PCDHGA4: variants seen among roughly 807,000 people sequenced by gnomAD.
The protein encoded by PCDHGA4 is protocadherin gamma subfamily A, 4.
A neutral mutation model predicts 54.6 loss-of-function variants in PCDHGA4; 38 were observed. The ratio of observed to expected loss-of-function variants is 0.70; its 90% CI spans 0.54 to 0.91. The LOEUF is 0.91. Ranked by LOEUF, PCDHGA4 falls within the 40% of genes least tolerant of loss-of-function variation. The pLI, the probability that PCDHGA4 is intolerant of heterozygous loss-of-function variation, is 0.00. For synonymous variants in PCDHGA4, 511 were observed against 512.9 expected (o/e 1.00, Z 0.05); for missense variants, 1,298 against 1,220.9 (o/e 1.06, Z -0.94).
chr5:141,388,637 T>G (rs993746447), intron 1 of PCDHGA4: 1 of 1,613,762 alleles, frequency 6.2e-7, no homozygotes, highest in Non-Finnish European at 8.5e-7. Context: ...GGGTGAGCCT[T>G]TCAGAAAACG....
At chr5:141,392,728 G>T in intron 1 of PCDHGA4, 1 of 1,407,730 alleles carries the variant, frequency 7.1e-7, no homozygotes, top group Non-Finnish European at 9.3e-7. Context: ...CCGGAGGATT[G>T]TCATCTCCAT....
intron 1 of PCDHGA4, chr5:141,382,881 C>G (rs780011802): frequency 6.5e-7 from 1 of 1,527,170 alleles, no homozygotes; most frequent in South Asian, 1.3e-5. Context: ...GGCGCCTAAG[C>G]AAGAGAAGCA....
intron 1 of PCDHGA4, chr5:141,384,001 C>G (rs1561599904): frequency 6.2e-7 from 1 of 1,613,828 alleles, no homozygotes. Context: ...AGTCATTGCT[C>G]TTTTCTACCT....
At chr5:141,428,044 C>A in intron 1 of PCDHGA4, 1 of 1,608,790 alleles carries the variant, frequency 6.2e-7, no homozygotes, top group Non-Finnish European at 8.5e-7. Context: ...TACCTGGTGA[C>A]CAAGGTGGTG....
intron 1 of PCDHGA4, among the ~76,000 whole-genome samples, chr5:141,430,247 G>T (rs1003479541): frequency 9.7e-6 from 1 of 102,928 alleles, no homozygotes; most frequent in Non-Finnish European, 1.8e-5. Flanking sequence ...AACTCCTAGG[G>T]AGACATCTCC....
intron 1 of PCDHGA4, among the ~76,000 whole-genome samples, chr5:141,492,409 C>T (rs1367119266): frequency 6.6e-6 from 1 of 152,230 alleles, no homozygotes. Context: ...TCCCCTCTGC[C>T]GCTCCCTCCG....
At chr5:141,452,240 C>G (rs1365703172) in intron 1 of PCDHGA4, among the ~76,000 whole-genome samples, 1 of 152,084 alleles carries the variant, frequency 6.6e-6, no homozygotes, top group Non-Finnish European at 1.5e-5. Flanking sequence ...TTCTTGTGTC[C>G]TTTTGCCATA....
rs147783721 is a variant in PCDHGA4 at position 141,404,989 on chromosome 5, G to T, written c.2514+47368G>T. ...TCCTGGCTGACCTGGGCAGTCTTCAGATCCCTGCAGACCTGGAGGCCTCAG... is the reference window on the plus strand; with the variant it reads ...TCCTGGCTGACCTGGGCAGTCTTCATATCCCTGCAGACCTGGAGGCCTCAG... On this transcript the variant is annotated intron_variant, in intron 1 of 3. Transcript: ENST00000571252. 1.6e-5 allele frequency: 26 copies of T among 1,614,046 alleles called. No individual in the cohort carries two copies. In the Admixed American group the frequency reaches 4.0e-4, roughly 25 times the overall value.
chr5:141,376,060 G>T lies in PCDHGA4; in HGVS notation c.2514+18439G>T, dbSNP rs375877156. Reference sequence around the variant, plus strand: ...AGCCCCCTCTCTCCGCCACTGTCACGCTCACCGTGGCCGTGGCCGACAGGA... The same window carrying T: ...AGCCCCCTCTCTCCGCCACTGTCACTCTCACCGTGGCCGTGGCCGACAGGA... On this transcript the variant is annotated intron_variant, in intron 1 of 3. Transcript: ENST00000571252. 3.7e-5 allele frequency: 60 copies of T among 1,613,348 alleles called. No homozygotes were observed. The African/African-American group carries it at 7.5e-4, about 20-fold the overall frequency.
intron 1 of PCDHGA4, chr5:141,396,327 A>C (rs1370175057): frequency 6.6e-6 from 1 of 152,430 alleles, no homozygotes; most frequent in Non-Finnish European, 1.5e-5. Flanking sequence ...CTCTAAAAAA[A>C]CTATTATTAG....
At chr5:141,404,072 C>T (rs779657331) in intron 1 of PCDHGA4, 1 of 1,613,626 alleles carries the variant, frequency 6.2e-7, no homozygotes, top group Non-Finnish European at 8.5e-7. Flanking sequence ...TGCTCATGAC[C>T]GAGACTCCGG....
chr5:141,390,137 T>C lies in PCDHGA4; in HGVS notation c.2514+32516T>C, dbSNP rs373308909. The stretch of plus-strand genomic sequence containing the variant: ...AGGGGACTTTGCCTTATTCCTACAA[T>C]CTATGTGTTGCACATACAGGAAAGA... On this transcript the variant is annotated intron_variant, in intron 1 of 3. Coordinates refer to ENST00000571252, the MANE Select transcript of PCDHGA4 (RefSeq NM_018917.4). 3.1e-4 allele frequency: 506 copies of C among 1,614,052 alleles called. 2 individuals carry two copies. The African/African-American group carries it at 6.2e-3, about 20-fold the overall frequency.
At chr5:141,372,359 A>T in intron 1 of PCDHGA4, 1 of 1,613,954 alleles carries the variant, frequency 6.2e-7, no homozygotes, top group Non-Finnish European at 8.5e-7. Flanking sequence ...AGCCTCTTTC[A>T]GCCACCGTCA....
At position 141,495,009 on chromosome 5, in the gene PCDHGA4, G is replaced by A; in HGVS notation, c.2573+144G>A. 6 of 1,518,622 alleles carry A rather than the reference G, an allele frequency of 4.0e-6. No homozygotes were observed. The South Asian group carries it at 6.2e-5, about 16-fold the overall frequency. The allele number at this position is 1,518,622 out of a possible 1,614,324, so 94.1% of individuals were successfully genotyped here. ...TCCCAGGGAGGTCTTGGTGTGCGGG[G>A]GGCTGGCACACAGACCCCGGAAGGA... is the stretch of plus-strand genomic sequence containing the variant. On this transcript the variant is annotated intron_variant, in intron 2 of 3. Coordinates refer to ENST00000571252, the MANE Select transcript of PCDHGA4 (RefSeq NM_018917.4).
rs370299433 is a variant in PCDHGA4 at position 141,476,360 on chromosome 5, G to A, written c.2515-18447G>A. 5.3e-5 allele frequency: 86 copies of A among 1,614,186 alleles called. No homozygotes were observed. The highest frequency in any genetic ancestry group is 6.7e-5 in the Non-Finnish European group (79 of 1,180,042). ...CCGAAGATTCTTTGAGGTGAACCGG[G>A]AGACCGGAGAGATGTTTGTGAACGA... On this transcript the variant is annotated intron_variant, in intron 1 of 3. Transcript: ENST00000571252. This position sits in a 1 kb window ranked among gnomAD's most constrained non-coding sequence, Gnocchi z 7.6.
rs1433790348 is a variant in PCDHGA4, at chr5:141,431,831, G to A, written c.2515-62976G>A. The A allele has an allele frequency of 1.2e-6, 2 of 1,614,110 alleles. No homozygotes were observed. The highest frequency in any genetic ancestry group is 1.7e-6 in the Non-Finnish European group (2 of 1,180,040). On this transcript the variant is annotated intron_variant, in intron 1 of 3. Transcript: ENST00000571252. The surrounding 1 kb of genome is among the most constrained non-coding windows in gnomAD (Gnocchi z 4.8). Reference sequence around the variant, plus strand: ...CACCTCTCTCGCCAGCTCGGTTCCCGAAAACTCTCCCAGAGGGACATTAAT... The same window carrying A: ...CACCTCTCTCGCCAGCTCGGTTCCCAAAAACTCTCCCAGAGGGACATTAAT...
intron 1 of PCDHGA4, among the ~76,000 whole-genome samples, chr5:141,402,461 C>T (rs892900332): frequency 6.6e-6 from 1 of 151,994 alleles, no homozygotes; most frequent in Non-Finnish European, 1.5e-5. Context: ...GTTTACATAT[C>T]TAGAAATAGA....
In PCDHGA4 at chr5:141,511,405, T is replaced by C. The variant is rs1274658643; in HGVS notation, c.*232T>C. The C allele has an allele frequency of 2.2e-5, 21 of 944,066 alleles. No homozygotes were observed. In the East Asian group the frequency reaches 5.8e-4, roughly 26 times the overall value. 58.5% of individuals were successfully genotyped at this position (944,066 alleles called of 1,614,324 possible). On this transcript the variant is annotated 3_prime_UTR_variant, in exon 4 of 4. Transcript: ENST00000571252. ...CGCTGGGAACCCCCATCCAATCAACTGCTGTACCCATGGGGGTAGTGGGGT... is the reference window on the plus strand; with the variant it reads ...CGCTGGGAACCCCCATCCAATCAACCGCTGTACCCATGGGGGTAGTGGGGT...
chr5:141,443,650 CA>C (rs2098397782), intron 1 of PCDHGA4, among the ~76,000 whole-genome samples: 1 of 152,150 alleles, frequency 6.6e-6, no homozygotes. Flanking sequence ...ATAATGTTAG[CA>C]TAGCATTTTA....
Sources: gnomAD v4.1 joint callset for allele counts (sites outside exome capture counted in the v4.1 genomes callset) on GRCh38, gnomAD v4.1.1 for gene constraint, Gnocchi (gnomAD v3.1) non-coding constraint, MANE v1.5 for transcripts, NCBI Gene and HGNC (gene_info 2026-07-23, HGNC 2026-07-21) for gene names.